Variants in EPHA5 observed in about 807,000 individuals in gnomAD.
EPHA5 encodes the protein ephrin type-A receptor 5.
A neutral mutation model predicts 105.0 loss-of-function variants in EPHA5; 60 were observed. The observed-to-expected ratio is 0.57, with a 90% CI of 0.46 to 0.71. The LOEUF (loss-of-function observed/expected upper bound fraction) is 0.71, where lower values mean the gene tolerates loss of function less well. Ranked by LOEUF, EPHA5 falls within the 30% of genes least tolerant of loss-of-function variation. The pLI is 0.00. For synonymous variants in EPHA5, 513 were observed against 449.1 expected, an observed-to-expected ratio of 1.14 and a Z score of -1.80; for missense variants, 1,218 against 1,274.7, an observed-to-expected ratio of 0.96 and a Z score of 0.68.
intron 4 of EPHA5, among the ~76,000 whole-genome samples, chr4:65,493,288 T>A (rs1482601625): frequency 6.6e-6 from 1 of 152,208 alleles, no homozygotes; most frequent in African/African-American, 2.4e-5. Flanking sequence ...GAGACTAACC[T>A]TTAATTTAAG....
intron 3 of EPHA5, among the ~76,000 whole-genome samples, chr4:65,530,997 TTTTTTTTTATTTTTTTTATTTTTTTTA>T (rs879813245): frequency 9.0e-6 from 1 of 111,062 alleles, no homozygotes; most frequent in South Asian, 2.7e-4. Flanking sequence ...GCTGGATGGA[TTTTTTTTTATTTTTTTTATTTTTTTTA>T]TTTTTTTTAT....
chr4:65,387,688 T>G (rs1362917470), intron 8 of EPHA5, among the ~76,000 whole-genome samples: 1 of 151,970 alleles, frequency 6.6e-6, no homozygotes, highest in Non-Finnish European at 1.5e-5. Flanking sequence ...CAGGAAAAGT[T>G]AGATATCAAC....
At position 65,420,434 on chromosome 4, in the gene EPHA5, G is replaced by A. The variant is rs2149036383; in HGVS notation, c.1527+7C>T. ...AGTGAGGACATTTTTTATTCTGTTAGTCTTACCTTTTCAAAATACTTGATT... is the reference window on the plus strand; with the variant it reads ...AGTGAGGACATTTTTTATTCTGTTAATCTTACCTTTTCAAAATACTTGATT... On this transcript the variant is annotated splice_region_variant and intron_variant, in intron 6 of 16. Coordinates refer to ENST00000613740, the MANE Select transcript of EPHA5 (RefSeq NM_001281766.3). The A allele has an allele frequency of 1.9e-6, 3 of 1,571,546 alleles. No individual in the cohort carries two copies. The highest frequency in any genetic ancestry group is 2.6e-6 in the Non-Finnish European group (3 of 1,161,616).
chr4:65,495,345 C>T (rs377689730), intron 4 of EPHA5, 43 bp downstream of exon 4: 1 of 1,585,400 alleles, frequency 6.3e-7, no homozygotes, highest in South Asian at 1.2e-5. Flanking sequence ...TTCCTCAAAA[C>T]TGGTTAAAGT....
chr4:65,373,476 A>G (rs1414034169), intron 8 of EPHA5, among the ~76,000 whole-genome samples: 1 of 151,952 alleles, frequency 6.6e-6, no homozygotes, highest in Non-Finnish European at 1.5e-5. Flanking sequence ...GAAAATAAAA[A>G]TCTTCTCATT....
Position 65,462,454 on chromosome 4 carries a change from G to T in EPHA5, c.1402+27923C>A, listed in dbSNP as rs529289445. 1.4e-4 allele frequency among the ~76,000 whole-genome samples: 22 copies of T among 152,206 alleles called. No individual in the cohort carries two copies. In the South Asian group the frequency reaches 4.4e-3, roughly 30 times the overall value. ...TCTCACAATTCTAAACATTGATGGG[G>T]GGGTCTTCTCCTGGTCTTGACTAGA... On this transcript the variant is annotated intron_variant, in intron 5 of 16. Coordinates refer to ENST00000613740, the MANE Select transcript of EPHA5 (RefSeq NM_001281766.3).
At chr4:65,461,280 G>T (rs1174284869) in intron 5 of EPHA5, among the ~76,000 whole-genome samples, 1 of 151,722 alleles carries the variant, frequency 6.6e-6, no homozygotes, top group Non-Finnish European at 1.5e-5. Context: ...TTAATATTAT[G>T]TTTCCATTTG....
intron 3 of EPHA5, among the ~76,000 whole-genome samples, chr4:65,534,603 G>A (rs1736120443): frequency 6.6e-6 from 1 of 152,130 alleles, no homozygotes; most frequent in African/African-American, 2.4e-5. Flanking sequence ...ATCAAAAGTA[G>A]ACATATCAAT....
At chr4:65,536,674 A>G (rs2149312982) in intron 3 of EPHA5, among the ~76,000 whole-genome samples, 1 of 151,862 alleles carries the variant, frequency 6.6e-6, no homozygotes, top group Non-Finnish European at 1.5e-5. Context: ...AAAGCTTGCA[A>G]TAATTCAGCA....
chr4:65,343,810 C>T (rs764458384), intron 14 of EPHA5, among the ~76,000 whole-genome samples: 15 of 151,896 alleles, frequency 9.9e-5, no homozygotes, highest in Non-Finnish European at 1.9e-4. Flanking sequence ...TTTCTGTAAA[C>T]CTCATTTAAA....
chr4:65,538,209 A>T (rs1351045167), intron 3 of EPHA5, among the ~76,000 whole-genome samples: 5 of 151,852 alleles, frequency 3.3e-5, no homozygotes, highest in Non-Finnish European at 7.4e-5. Flanking sequence ...TCTAATTGCC[A>T]AATAACTTAA....
intron 3 of EPHA5, among the ~76,000 whole-genome samples, chr4:65,517,016 G>C (rs970398714): frequency 1.3e-5 from 2 of 152,024 alleles, no homozygotes; most frequent in Admixed American, 6.6e-5. Flanking sequence ...ATCTATATTT[G>C]TACTGATTTC....
intron 8 of EPHA5, among the ~76,000 whole-genome samples, chr4:65,384,068 G>T (rs1719850441): frequency 6.6e-6 from 1 of 151,836 alleles, no homozygotes; most frequent in South Asian, 2.1e-4. Context: ...AATGAGTCAG[G>T]AAGGAATAGA....
At chr4:65,351,176 GAAACTCAGATATTCTA>G (rs1722778651) in intron 13 of EPHA5, among the ~76,000 whole-genome samples, 197 bp downstream of exon 13, 1 of 151,848 alleles carries the variant, frequency 6.6e-6, no homozygotes, top group South Asian at 2.1e-4. Flanking sequence ...AATGAATTAT[GAAACTCAGATATTCTA>G]AAGTTAATAT....
At chr4:65,411,240 A>C (rs1258777307) in intron 7 of EPHA5, among the ~76,000 whole-genome samples, 1 of 151,318 alleles carries the variant, frequency 6.6e-6, no homozygotes, top group African/African-American at 2.4e-5. Context: ...CTAAAAAAAA[A>C]GTTTTGCGTT....
At chr4:65,367,254 T>A in intron 9 of EPHA5, 103 bp downstream of exon 9, 9 of 877,372 alleles carry the variant, frequency 1.0e-5, no homozygotes, top group East Asian at 2.7e-5. Context: ...AAAAAAACAA[T>A]ATTTTGGTCA....
intron 8 of EPHA5, among the ~76,000 whole-genome samples, chr4:65,378,679 GC>G (rs1719250681): frequency 6.6e-6 from 1 of 151,882 alleles, no homozygotes; most frequent in South Asian, 2.1e-4. Context: ...GTCTTATAAA[GC>G]CTAAATCAAA....
At chr4:65,462,418 C>A (rs1728214554) in intron 5 of EPHA5, among the ~76,000 whole-genome samples, 1 of 152,110 alleles carries the variant, frequency 6.6e-6, no homozygotes, top group Non-Finnish European at 1.5e-5. Flanking sequence ...GACAGAAAAA[C>A]CACTGTTTAT....
intron 1 of EPHA5, among the ~76,000 whole-genome samples, chr4:65,658,852 G>T (rs1749294124): frequency 2.0e-5 from 3 of 152,080 alleles, no homozygotes; most frequent in Admixed American, 1.3e-4. Flanking sequence ...TTTTTTAATA[G>T]ATCAAACTCT....
Sources: gnomAD v4.1 joint callset for allele counts (sites outside exome capture counted in the v4.1 genomes callset) on GRCh38, gnomAD v4.1.1 for gene constraint, MANE v1.5 for transcripts, NCBI Gene and HGNC (gene_info 2026-07-23, HGNC 2026-07-21) for gene names.